The following SI variants were observed in gnomAD, a reference collection of about 807,000 sequenced individuals.
SI encodes sucrase-isomaltase, intestinal.
A neutral mutation model predicts 253.3 loss-of-function variants in SI; 235 were observed. The ratio of observed to expected loss-of-function variants is 0.93; its 90% CI spans 0.83 to 1.03. SI has a LOEUF of 1.03. SI is among the 50% of genes least tolerant of loss of function. The probability of loss-of-function intolerance (pLI) is 0.00; values close to 1 mark genes in which losing one functional copy is unlikely to be tolerated. For synonymous variants in SI, 819 were observed against 712.0 expected (o/e 1.15, Z -2.39); for missense variants, 2,442 against 2,211.1 (o/e 1.10, Z -2.09).
chr3:165,036,450 G>T lies in SI; in HGVS notation c.2454C>A (p.Val818=), dbSNP rs746872062. The part of the protein sequence containing the change: ...ASRKNPLGLI[V]ALGENNTAKG... Reference sequence around the variant, plus strand: ...TGGCTGTGTTGTTTTCACCTAATGCGACTATAAGTCCTAGAGGATTCTTAC... The same window carrying T: ...TGGCTGTGTTGTTTTCACCTAATGCTACTATAAGTCCTAGAGGATTCTTAC... Residue 818 remains valine (V), a synonymous_variant, in exon 22 of 48, where the codon GTC becomes GTA. Coordinates refer to ENST00000264382, the MANE Select transcript of SI (RefSeq NM_001041.4). 4 of 1,610,878 alleles carry T rather than the reference G, an allele frequency of 2.5e-6. No homozygotes were observed.
chr3:165,042,683 G>C (rs1175956338), intron 17 of SI, among the ~76,000 whole-genome samples: 1 of 152,044 alleles, frequency 6.6e-6, no homozygotes, highest in Non-Finnish European at 1.5e-5. Flanking sequence ...ATCCATGACA[G>C]TATATTATAA....
intron 25 of SI, among the ~76,000 whole-genome samples, chr3:165,028,041 A>C (rs1310143386): frequency 6.6e-6 from 1 of 151,306 alleles, no homozygotes; most frequent in East Asian, 1.9e-4. Context: ...GAAAACCCTA[A>C]AGACTCCTCC....
intron 11 of SI, 36 bp from the exon 12 acceptor site, chr3:165,059,118 A>G: frequency 6.4e-7 from 1 of 1,557,342 alleles, no homozygotes; most frequent in Non-Finnish European, 8.7e-7. Flanking sequence ...AAATCTATTA[A>G]CTTACACGTG....
intron 35 of SI, 127 bp downstream of exon 35, chr3:165,009,152 T>TG (rs1272068598): frequency 1.5e-5 from 10 of 676,640 alleles, no homozygotes; most frequent in East Asian, 1.4e-4. Flanking sequence ...GAAAGTTCTG[T>TG]GGGGGAAAAA....
intron 25 of SI, among the ~76,000 whole-genome samples, chr3:165,025,014 G>A (rs949382389): frequency 6.6e-6 from 1 of 151,134 alleles, no homozygotes; most frequent in Non-Finnish European, 1.5e-5. Flanking sequence ...TAAATGCTTT[G>A]TTCAATTGGC....
intron 47 of SI, among the ~76,000 whole-genome samples, chr3:164,979,788 G>C (rs1361141534): frequency 1.3e-5 from 2 of 151,756 alleles, no homozygotes; most frequent in Non-Finnish European, 2.9e-5. Context: ...GCATCCCTTT[G>C]TCAAGTATTA....
chr3:165,041,341 T>A (rs1712819136), intron 17 of SI, among the ~76,000 whole-genome samples: 1 of 152,020 alleles, frequency 6.6e-6, no homozygotes, highest in Non-Finnish European at 1.5e-5. Flanking sequence ...ACAGAAAAAA[T>A]AAATTTTTTT....
chr3:165,007,861 A>AGG, intron 36 of SI, 50 bp downstream of exon 36: 1 of 792,888 alleles, frequency 1.3e-6, no homozygotes, highest in Non-Finnish European at 2.1e-6. Context: ...ATACCTATTA[A>AGG]TATATAATAA....
chr3:165,055,799 T>G (rs1471822690), intron 12 of SI, among the ~76,000 whole-genome samples: 1 of 152,140 alleles, frequency 6.6e-6, no homozygotes, highest in East Asian at 1.9e-4. Context: ...CATATAATCT[T>G]CATTAGAATT....
At chr3:165,053,949 T>C (rs1316860812) in intron 13 of SI, among the ~76,000 whole-genome samples, 2 of 152,020 alleles carry the variant, frequency 1.3e-5, no homozygotes, top group Non-Finnish European at 2.9e-5. Context: ...TCACTGATTT[T>C]ATGTTAAATA....
At chr3:165,002,417 T>A (rs1428585862) in intron 37 of SI, among the ~76,000 whole-genome samples, 1 of 151,786 alleles carries the variant, frequency 6.6e-6, no homozygotes, top group Non-Finnish European at 1.5e-5. Flanking sequence ...AAATCCCATT[T>A]CTGAATCCAT....
intron 38 of SI, among the ~76,000 whole-genome samples, chr3:164,997,769 G>C (rs1330604981): frequency 6.6e-6 from 1 of 151,690 alleles, no homozygotes; most frequent in Non-Finnish European, 1.5e-5. Context: ...CTGTTAGTTT[G>C]CTTAAGATAA....
chr3:165,017,738 T>C (rs1576887809), intron 30 of SI, 23 bp downstream of exon 30: 4 of 1,599,186 alleles, frequency 2.5e-6, no homozygotes, highest in African/African-American at 2.7e-5. Context: ...TTTAATTTTT[T>C]TAAAAGAAAT....
At chr3:165,076,112 T>C (rs1714957526) in intron 1 of SI, 100 bp from the exon 2 acceptor site, 1 of 894,634 alleles carries the variant, frequency 1.1e-6, no homozygotes, top group African/African-American at 1.7e-5. Context: ...TTTTACTATG[T>C]ATAATGCAGA....
At chr3:165,059,448 T>A in intron 10 of SI, 149 bp from the exon 11 acceptor site, 1 of 776,288 alleles carries the variant, frequency 1.3e-6, no homozygotes, top group South Asian at 1.7e-5. Context: ...AAGAAGCAAT[T>A]GTACTGTTTG....
chr3:165,067,550 G>A (rs9865476), intron 5 of SI, 59 bp from the exon 6 acceptor site: 834,558 of 1,385,628 alleles, frequency 0.6, 254,015 homozygotes, highest in East Asian at 0.83. Context: ...TAATATTCCA[G>A]TTCTGAATTA....
rs567954839 is a variant in SI, at chr3:165,057,418, T to C, written c.1398+1545A>G. On this transcript the variant is annotated intron_variant, in intron 12 of 47. Coordinates refer to ENST00000264382, the MANE Select transcript of SI (RefSeq NM_001041.4). Reference sequence around the variant, plus strand: ...AGAGAGAGAGAGATAGAAAGTATATTGAAAGGGAAAATGACAGGAAACATC... The same window carrying C: ...AGAGAGAGAGAGATAGAAAGTATATCGAAAGGGAAAATGACAGGAAACATC... Among the ~76,000 whole-genome samples the C allele has an allele frequency of 1.5e-4, 23 of 151,838 alleles. No individual in the cohort carries two copies. In the South Asian group the frequency reaches 3.7e-3, roughly 25 times the overall value.
At chr3:165,038,655 A>T (rs1197763603) in intron 20 of SI, among the ~76,000 whole-genome samples, 1 of 152,002 alleles carries the variant, frequency 6.6e-6, no homozygotes, top group Non-Finnish European at 1.5e-5. Flanking sequence ...TTCAAGGTTG[A>T]AATAAAAGCC....
rs145556619 is a variant in SI, at chr3:164,982,379, C to A, written c.5279G>T (p.Gly1760Val). ...TTLTSTILKRGYINKSETRLG... is the reference protein window; with the variant it reads ...TTLTSTILKRVYINKSETRLG... ...CCTCGTTTCACTTTTATTTATGTAACCTCTCTTCAATATAGTGCTTGTTAA... is the reference window on the plus strand; with the variant it reads ...CCTCGTTTCACTTTTATTTATGTAAACTCTCTTCAATATAGTGCTTGTTAA... The change falls in exon 47 of 48, where the codon GGT (glycine) becomes GTT (valine). Residue 1760 changes from glycine (G) to valine (V), a missense_variant. Coordinates refer to ENST00000264382, the MANE Select transcript of SI (RefSeq NM_001041.4). The A allele has an allele frequency of 5.5e-4, 893 of 1,612,050 alleles. No homozygotes were observed. Among genetic ancestry groups the A allele is most frequent in the Non-Finnish European group, 7.1e-4 (831 of 1,178,674 alleles).
Sources: gnomAD v4.1 joint callset for allele counts (sites outside exome capture counted in the v4.1 genomes callset) on GRCh38, gnomAD v4.1.1 for gene constraint, MANE v1.5 for transcripts, NCBI Gene and HGNC (gene_info 2026-07-23, HGNC 2026-07-21) for gene names.